NOS1: variants seen among roughly 807,000 people sequenced by gnomAD.
NOS1 encodes the protein NOS type I.
A neutral mutation model predicts 164.5 loss-of-function variants in NOS1; 51 were observed. The observed-to-expected ratio is 0.31, with a 90% CI of 0.25 to 0.39. The LOEUF is 0.39. NOS1 is among the 10% of genes least tolerant of loss of function. NOS1 has a pLI of 1.00. For synonymous variants in NOS1, 719 were observed against 745.8 expected (o/e 0.96, Z 0.59); for missense variants, 1,362 against 1,885.6 (o/e 0.72, Z 5.14).
In NOS1 at chr12:117,280,791, G is replaced by T; in HGVS notation, c.1458C>A (p.Arg486=). Residue 486 remains arginine, a synonymous_variant, in exon 8 of 29, where the codon CGC becomes CGA. Transcript: ENST00000317775. ...DFRVWNSQLI[R]YAGYKQPDGS... is the part of the protein sequence containing the mutation. ...CGTCAGGCTGCTTGTAGCCAGCGTAGCGGATGAGCTGGGAGTTCCAGACTC... is the reference window on the plus strand; with the variant it reads ...CGTCAGGCTGCTTGTAGCCAGCGTATCGGATGAGCTGGGAGTTCCAGACTC... 2.5e-6 allele frequency: 4 copies of T among 1,614,212 alleles called. No homozygotes were observed. The highest frequency in any genetic ancestry group is 1.7e-6 in the Non-Finnish European group (2 of 1,180,022).
In NOS1 at chr12:117,234,865, T is replaced by C; in HGVS notation, c.3042-107A>G. ...GGCTGCAATTCTCCTCCTTCCATTC[T>C]TGTTGGGGCCCGTGCTAACCAAGCC... On this transcript the variant is annotated intron_variant, in intron 20 of 28. Coordinates refer to ENST00000317775, the MANE Select transcript of NOS1 (RefSeq NM_000620.5). This position sits in a 1 kb window ranked among gnomAD's most constrained non-coding sequence, Gnocchi z 4.3. 1.1e-6 allele frequency: 1 copy of C among 879,702 alleles called. No homozygotes were observed. Among genetic ancestry groups the C allele is most frequent in the Non-Finnish European group, 1.7e-6 (1 of 581,224 alleles). The allele number at this position is 879,702 out of a possible 1,614,324, so 54.5% of individuals were successfully genotyped here.
At chr12:117,325,833 C>T (rs545541465) in intron 2 of NOS1, among the ~76,000 whole-genome samples, 20 of 152,300 alleles carry the variant, frequency 1.3e-4, no homozygotes, top group African/African-American at 3.4e-4. Context: ...TATGCTTAGG[C>T]GCAAACATCT....
chr12:117,261,256 G>A (rs1406625025), intron 13 of NOS1, among the ~76,000 whole-genome samples: 1 of 150,782 alleles, frequency 6.6e-6, no homozygotes, highest in Non-Finnish European at 1.5e-5. Context: ...AGTTTTGTTA[G>A]CTTGTTACTT....
chr12:117,272,675 T>C lies in NOS1; in HGVS notation c.1665-116A>G, dbSNP rs147562667. On this transcript the variant is annotated intron_variant, in intron 9 of 28. Coordinates refer to ENST00000317775, the MANE Select transcript of NOS1 (RefSeq NM_000620.5). The surrounding 1 kb of genome is among the most constrained non-coding windows in gnomAD (Gnocchi z 4.3). ...GACTGGGACTGACAAGGTCAGAATA[T>C]GGTTCCTGGGCCCTGCTTCAGATCT... 2.7e-4 allele frequency: 261 copies of C among 955,702 alleles called. No individual in the cohort carries two copies. In the African/African-American group the frequency reaches 3.2e-3, roughly 12 times the overall value. 59.2% of individuals were successfully genotyped at this position (955,702 alleles called of 1,614,324 possible).
intron 18 of NOS1, among the ~76,000 whole-genome samples, chr12:117,245,095 C>T (rs1007173910): frequency 6.6e-6 from 1 of 152,220 alleles, no homozygotes; most frequent in East Asian, 1.9e-4. Context: ...GCCTCCCCAC[C>T]TGGAAATCTT....
At chr12:117,354,907 C>T (rs958629914) in intron 1 of NOS1, among the ~76,000 whole-genome samples, 3 of 152,184 alleles carry the variant, frequency 2.0e-5, no homozygotes, top group Non-Finnish European at 4.4e-5. Context: ...AGCTGGGAAA[C>T]GACGGTTGTA....
At chr12:117,360,445 G>A (rs1877081365) in intron 1 of NOS1, among the ~76,000 whole-genome samples, 1 of 152,260 alleles carries the variant, frequency 6.6e-6, no homozygotes, top group South Asian at 2.1e-4. Flanking sequence ...CCCGAACCGT[G>A]GCGGAACGCG....
chr12:117,347,055 G>C (rs962767648), intron 1 of NOS1, among the ~76,000 whole-genome samples: 1 of 152,200 alleles, frequency 6.6e-6, no homozygotes, highest in African/African-American at 2.4e-5. Context: ...GGGAGGCCAA[G>C]GAAGGTGGAT....
At chr12:117,332,365 A>G (rs1432053505) in intron 1 of NOS1, among the ~76,000 whole-genome samples, 1 of 152,182 alleles carries the variant, frequency 6.6e-6, no homozygotes, top group Non-Finnish European at 1.5e-5. Context: ...GGTCACATAG[A>G]GAATAATGGC....
intron 21 of NOS1, 77 bp from the exon 22 acceptor site, chr12:117,232,208 G>GCCCCATCCTCTGCTCC: frequency 7.1e-7 from 1 of 1,410,840 alleles, no homozygotes; most frequent in Non-Finnish European, 9.9e-7. Flanking sequence ...TCTGCTCCTG[G>GCCCCATCCTCTGCTCC]AGCAGAGGAT....
At chr12:117,357,203 G>A (rs1876894622) in intron 1 of NOS1, among the ~76,000 whole-genome samples, 1 of 152,102 alleles carries the variant, frequency 6.6e-6, no homozygotes, top group African/African-American at 2.4e-5. Flanking sequence ...CAGGCCTGTA[G>A]TCCCAGCTAC....
chr12:117,287,805 T>G (rs772009256), intron 5 of NOS1, among the ~76,000 whole-genome samples: 1 of 152,266 alleles, frequency 6.6e-6, no homozygotes, highest in Non-Finnish European at 1.5e-5. Context: ...TTCTTACTGA[T>G]GGTTCCTTGT....
chr12:117,272,312 G>A lies in NOS1; in HGVS notation c.1839+73C>T. ...GTTTCCAAGCCACCAAGCTCGCCGT[G>A]GGGAAGGGGACTGCTGAGCTGGCAC... On this transcript the variant is annotated intron_variant, in intron 10 of 28. Coordinates refer to ENST00000317775, the MANE Select transcript of NOS1 (RefSeq NM_000620.5). This position sits in a 1 kb window ranked among gnomAD's most constrained non-coding sequence, Gnocchi z 4.3. 3 of 1,539,728 alleles carry A rather than the reference G, an allele frequency of 1.9e-6. No homozygotes were observed. Among genetic ancestry groups the A allele is most frequent in the Non-Finnish European group, 2.7e-6 (3 of 1,119,284 alleles).
chr12:117,323,597 C>T (rs1875092613), intron 2 of NOS1, among the ~76,000 whole-genome samples: 1 of 152,090 alleles, frequency 6.6e-6, no homozygotes, highest in Admixed American at 6.5e-5. Flanking sequence ...GAGACTGTAG[C>T]ATGGAGCCAG....
chr12:117,358,737 G>A (rs926317861), intron 1 of NOS1, among the ~76,000 whole-genome samples: 9 of 152,188 alleles, frequency 5.9e-5, no homozygotes, highest in African/African-American at 2.2e-4. Context: ...TCTTCACCAG[G>A]TCTCTCTACC....
At chr12:117,269,460 ATTTGTTTTT>A (rs1872650164) in intron 10 of NOS1, among the ~76,000 whole-genome samples, 1 of 110,038 alleles carries the variant, frequency 9.1e-6, no homozygotes, top group Non-Finnish European at 1.7e-5. Context: ...ATCTCTGGAG[ATTTGTTTTT>A]TTTTTTTTTT....
chr12:117,296,215 A>C (rs1452303117), intron 3 of NOS1, among the ~76,000 whole-genome samples: 1 of 152,212 alleles, frequency 6.6e-6, no homozygotes, highest in Non-Finnish European at 1.5e-5. Flanking sequence ...AACATATGAG[A>C]TCTGCATGAG....
At chr12:117,217,544 A>C (rs1008051112) in intron 28 of NOS1, among the ~76,000 whole-genome samples, 1 of 152,166 alleles carries the variant, frequency 6.6e-6, no homozygotes, top group Non-Finnish European at 1.5e-5. Flanking sequence ...GTCTCTACTA[A>C]AAATACAAAA....
At chr12:117,347,693 T>C (rs2136090350) in intron 1 of NOS1, among the ~76,000 whole-genome samples, 1 of 152,294 alleles carries the variant, frequency 6.6e-6, no homozygotes, top group South Asian at 2.1e-4. Context: ...AGGTGTTTGA[T>C]GGGATCCCCA....
Sources: allele counts gnomAD v4.1 joint callset (sites outside exome capture counted in the v4.1 genomes callset), GRCh38; gene constraint gnomAD v4.1.1; non-coding constraint Gnocchi (gnomAD v3.1); transcripts MANE v1.5; gene names NCBI Gene and HGNC (gene_info 2026-07-23, HGNC 2026-07-21).